TLN1: variants seen among roughly 807,000 people sequenced by gnomAD.
The protein encoded by TLN1 is talin-1.
TLN1 carries 56 observed loss-of-function variants against 292.3 expected under a neutral mutation model. The observed-to-expected ratio is 0.19, with a 90% CI of 0.15 to 0.24. The LOEUF (loss-of-function observed/expected upper bound fraction) is 0.24, where lower values mean the gene tolerates loss of function less well. TLN1 is among the 10% of genes least tolerant of loss of function. TLN1 has a pLI of 1.00. For synonymous variants in TLN1, 1,119 were observed against 1,253.7 expected, an observed-to-expected ratio of 0.89 and a Z score of 2.27; for missense variants, 2,433 against 3,248.2, an observed-to-expected ratio of 0.75 and a Z score of 6.10.
At chr9:35,720,940 G>C in intron 10 of TLN1, 27 bp from the exon 11 acceptor site, 1 of 1,565,240 alleles carries the variant, frequency 6.4e-7, no homozygotes, top group Non-Finnish European at 8.8e-7. Context: ...GGGACTCAGA[G>C]GGAAAGCTCA....
intron 16 of TLN1, 39 bp from the exon 17 acceptor site, chr9:35,718,949 C>T: frequency 6.2e-7 from 1 of 1,607,032 alleles, no homozygotes; most frequent in Non-Finnish European, 8.5e-7. Context: ...TGCCCAATCC[C>T]TGCCCACATG....
At chr9:35,725,501 G>A (rs949088293) in intron 2 of TLN1, 64 bp downstream of exon 2, 36 of 1,590,988 alleles carry the variant, frequency 2.3e-5, no homozygotes, top group African/African-American at 4.0e-5. Context: ...TCTCAAGGCC[G>A]AGAGCCTGGG....
Position 35,714,376 on chromosome 9 carries a change from G to A in TLN1, c.2986-3C>T, listed in dbSNP as rs181938191. ...GCTGCCACCATCTTCCCACCTGGCT[G>A]TTGGGGAATAGGCAGGTGGATGAAG... On this transcript the variant is annotated splice_region_variant and splice_polypyrimidine_tract_variant and intron_variant, in intron 23 of 56. Transcript: ENST00000314888. This position sits in a 1 kb window ranked among gnomAD's most constrained non-coding sequence, Gnocchi z 4.6. 4.1e-4 allele frequency: 655 copies of A among 1,608,380 alleles called. 3 individuals are homozygous for A. In the African/African-American group the frequency reaches 6.4e-3, roughly 16 times the overall value.
chr9:35,719,708 T>C lies in TLN1; in HGVS notation c.1578+32A>G, dbSNP rs550286543. 2 of 1,610,662 alleles carry C rather than the reference T, an allele frequency of 1.2e-6. No individual in the cohort carries two copies. The highest frequency in any genetic ancestry group is 2.7e-5 in the African/African-American group (2 of 74,998). ...CTATCCCTTGGAGTCTCAGCTTCAG[T>C]ACCACCGGCCTCTCCTCCATCCCAT... On this transcript the variant is annotated intron_variant, in intron 14 of 56. Coordinates refer to ENST00000314888, the MANE Select transcript of TLN1 (RefSeq NM_006289.4). The surrounding 1 kb of genome is among the most constrained non-coding windows in gnomAD (Gnocchi z 4.6).
rs750498641 is a variant in TLN1, at chr9:35,715,088, T to C, written c.2725A>G (p.Ile909Val). 1.2e-6 allele frequency: 2 copies of C among 1,613,244 alleles called. No homozygotes were observed. Among genetic ancestry groups the C allele is most frequent in the Non-Finnish European group, 1.7e-6 (2 of 1,180,030 alleles). ...MATNAAAQNAIKKKLVQRLEH... is the reference protein window; with the variant it reads ...MATNAAAQNAVKKKLVQRLEH... Reference sequence around the variant, plus strand: ...AGGCGCTGCACCAGCTTTTTCTTGATGGCATTCTGCGCAGCTGCATTGGTG... The same window carrying C: ...AGGCGCTGCACCAGCTTTTTCTTGACGGCATTCTGCGCAGCTGCATTGGTG... Residue 909 changes from isoleucine to valine, a missense_variant, in exon 21 of 57, where the codon ATC (isoleucine) becomes GTC (valine). Ile to Val is a conservative substitution (Grantham distance 29). Transcript: ENST00000314888.
At position 35,699,281 on chromosome 9, in the gene TLN1, G is replaced by A. The variant is rs1339029199; in HGVS notation, c.6874+75C>T. 4 of 1,563,188 alleles carry A rather than the reference G, an allele frequency of 2.6e-6. No homozygotes were observed. In the African/African-American group the frequency reaches 4.1e-5, roughly 16 times the overall value. On this transcript the variant is annotated intron_variant, in intron 51 of 56. Transcript: ENST00000314888. This position sits in a 1 kb window ranked among gnomAD's most constrained non-coding sequence, Gnocchi z 4.0. Reference sequence around the variant, plus strand: ...GACTATGGTCAGAGGCTAGCACAGAGCTGTCCAGCCAGGAAGCAGAGATCA... The same window carrying A: ...GACTATGGTCAGAGGCTAGCACAGAACTGTCCAGCCAGGAAGCAGAGATCA...
At position 35,725,738 on chromosome 9, in the gene TLN1, G is replaced by A. The variant is rs1380409663; in HGVS notation, c.-33-11C>T. ...CCAGCCTGGCTATACCTGACCCATG[G>A]CATCAGGGCATTAGAATACACTCTT... On this transcript the variant is annotated splice_polypyrimidine_tract_variant and intron_variant, in intron 1 of 56. Coordinates refer to ENST00000314888, the MANE Select transcript of TLN1 (RefSeq NM_006289.4). 1.2e-6 allele frequency: 2 copies of A among 1,607,018 alleles called. No homozygotes were observed. The highest frequency in any genetic ancestry group is 1.7e-6 in the Non-Finnish European group (2 of 1,176,608).
Position 35,703,634 on chromosome 9 carries a change from C to T in TLN1, c.6400G>A (p.Ala2134Thr), listed in dbSNP as rs1302719221. The change falls in exon 48 of 57, where the codon GCC (alanine) becomes ACC (threonine). Residue 2134 changes from alanine (A) to threonine (T), a missense_variant. Transcript: ENST00000314888. ...NVTSLLKTVK[A>T]VEDEATKGTR... ...CCTTTGGTGGCCTCATCTTCCACGG[C>T]TTTTACTGTCTTAAGCAATGATGTC... 1 of 1,614,066 alleles carries T rather than the reference C, an allele frequency of 6.2e-7. No individual in the cohort carries two copies.
chr9:35,722,570 A>G (rs374831710), intron 8 of TLN1, among the ~76,000 whole-genome samples: 1 of 152,338 alleles, frequency 6.6e-6, no homozygotes, highest in East Asian at 1.9e-4. Context: ...AGATTATGCT[A>G]CCTCATTTGA....
intron 33 of TLN1, among the ~76,000 whole-genome samples, chr9:35,709,995 G>A (rs368329950): frequency 1.1e-4 from 16 of 144,320 alleles, no homozygotes; most frequent in African/African-American, 2.6e-4. Flanking sequence ...GGTGGATCAC[G>A]AGTCAGGATA....
chr9:35,725,838 A>G (rs1825966227), intron 1 of TLN1, 111 bp from the exon 2 acceptor site: 1 of 870,522 alleles, frequency 1.1e-6, no homozygotes, highest in Non-Finnish European at 1.8e-6. Flanking sequence ...ACCAAAGTAG[A>G]TGGTAATAAG....
chr9:35,699,275 C>A lies in TLN1; in HGVS notation c.6874+81G>T, dbSNP rs920318969. The A allele has an allele frequency of 6.4e-7, 1 of 1,564,520 alleles. No homozygotes were observed. Among genetic ancestry groups the A allele is most frequent in the African/African-American group, 1.4e-5 (1 of 73,754 alleles). On this transcript the variant is annotated intron_variant, in intron 51 of 56. Coordinates refer to ENST00000314888, the MANE Select transcript of TLN1 (RefSeq NM_006289.4). The surrounding 1 kb of genome is among the most constrained non-coding windows in gnomAD (Gnocchi z 4.0). ...TGTGGGGACTATGGTCAGAGGCTAG[C>A]ACAGAGCTGTCCAGCCAGGAAGCAG... is the stretch of plus-strand genomic sequence containing the variant.
chr9:35,707,967 G>A lies in TLN1; in HGVS notation c.4471-75C>T, dbSNP rs1012022760. 5.2e-6 allele frequency: 8 copies of A among 1,548,650 alleles called. No homozygotes were observed. The highest frequency in any genetic ancestry group is 7.1e-6 in the Non-Finnish European group (8 of 1,133,070). On this transcript the variant is annotated intron_variant, in intron 34 of 56. Coordinates refer to ENST00000314888, the MANE Select transcript of TLN1 (RefSeq NM_006289.4). This position sits in a 1 kb window ranked among gnomAD's most constrained non-coding sequence, Gnocchi z 5.6. ...ATACCCAAGGAGGAGCCATTTTAGGGTCAGGGGATGGAGAGCAATACCCTG... is the reference window on the plus strand; with the variant it reads ...ATACCCAAGGAGGAGCCATTTTAGGATCAGGGGATGGAGAGCAATACCCTG...
In TLN1 at chr9:35,714,515, G is replaced by C. The variant is rs957524859; in HGVS notation, c.2985+59C>G. 26 of 1,592,522 alleles carry C rather than the reference G, an allele frequency of 1.6e-5. No individual in the cohort carries two copies. The African/African-American group carries it at 2.5e-4, about 16-fold the overall frequency. Reference sequence around the variant, plus strand: ...CTTGGCAGAGATTCAAACTGTGGGAGATGGAAGCTTAGAAAGGTGGGAAGG... The same window carrying C: ...CTTGGCAGAGATTCAAACTGTGGGACATGGAAGCTTAGAAAGGTGGGAAGG... On this transcript the variant is annotated intron_variant, in intron 23 of 56. Coordinates refer to ENST00000314888, the MANE Select transcript of TLN1 (RefSeq NM_006289.4). This position sits in a 1 kb window ranked among gnomAD's most constrained non-coding sequence, Gnocchi z 4.6.
intron 16 of TLN1, 48 bp from the exon 17 acceptor site, chr9:35,718,958 T>C (rs781367849): frequency 6.2e-7 from 1 of 1,602,956 alleles, no homozygotes; most frequent in Non-Finnish European, 8.5e-7. Context: ...CCTGCCCACA[T>C]GCCTGTGCAT....
At position 35,720,063 on chromosome 9, in the gene TLN1, C is replaced by G; in HGVS notation, c.1440G>C (p.Met480Ile). Residue 480 changes from methionine to isoleucine, a missense_variant, in exon 13 of 57, where the codon ATG becomes ATC. This residue lies in a region of TLN1 where 617 missense variants were observed against 770.6 expected (regional missense o/e 0.80). Transcript: ENST00000314888. Reference protein sequence around the residue: ...PAQQQITSGQMHRGHMPPLTS... With the variant: ...PAQQQITSGQIHRGHMPPLTS... The stretch of plus-strand genomic sequence containing the variant: ...CCAGAGGAGGCATGTGTCCTCGGTG[C>G]ATCTGGCCGCTGGTAATCTGCTGCT... 1 of 1,596,186 alleles carries G rather than the reference C, an allele frequency of 6.3e-7. No homozygotes were observed. The highest frequency in any genetic ancestry group is 1.1e-5 in the South Asian group (1 of 87,922).
intron 20 of TLN1, 116 bp downstream of exon 20, chr9:35,716,274 G>A: frequency 8.7e-7 from 1 of 1,143,908 alleles, no homozygotes. Flanking sequence ...TCCTATATTT[G>A]TCCTCTTGTG....
intron 20 of TLN1, 42 bp downstream of exon 20, chr9:35,716,348 C>T: frequency 6.2e-7 from 1 of 1,609,930 alleles, no homozygotes; most frequent in Non-Finnish European, 8.5e-7. Context: ...CTCTACTTCC[C>T]TCTAGGGTCC....
At chr9:35,725,122 G>A in intron 3 of TLN1, 102 bp downstream of exon 3, 2 of 1,526,074 alleles carry the variant, frequency 1.3e-6, no homozygotes, top group Non-Finnish European at 9.0e-7. Context: ...GAAAGCATGG[G>A]GAGGGCTAAG....
Sources: gnomAD v4.1 joint callset for allele counts (sites outside exome capture counted in the v4.1 genomes callset) on GRCh38, gnomAD v4.1.1 for gene constraint, gnomAD v4.1.1 regional missense constraint, Gnocchi (gnomAD v3.1) non-coding constraint, MANE v1.5 for transcripts, NCBI Gene and HGNC (gene_info 2026-07-23, HGNC 2026-07-21) for gene names.